CAST: variants seen among roughly 807,000 people sequenced by gnomAD.
CAST encodes calpastatin.
CAST carries 76 observed loss-of-function variants against 119.6 expected under a neutral mutation model. That is an observed-to-expected ratio of 0.64 (90% confidence interval 0.53 to 0.77). The LOEUF is 0.77. Ranked by LOEUF, CAST falls within the 30% of genes least tolerant of loss-of-function variation. The pLI, the probability that CAST is intolerant of heterozygous loss-of-function variation, is 0.00. For synonymous variants in CAST, 319 were observed against 331.6 expected (o/e 0.96, Z 0.41); for missense variants, 953 against 946.5 (o/e 1.01, Z -0.09).
At chr5:96,693,192 C>T (rs1364314241) in intron 2 of CAST, among the ~76,000 whole-genome samples, 2 of 152,202 alleles carry the variant, frequency 1.3e-5, no homozygotes, top group African/African-American at 4.8e-5. Context: ...ACTAAGTAAT[C>T]CAGGCAGCTC....
At chr5:95,968,335 T>C in the CAST span, among the ~76,000 whole-genome samples, 2 of 152,218 alleles carry the variant, frequency 1.3e-5, no homozygotes, top group Non-Finnish European at 2.9e-5. Context: ...GTTAATTCTA[T>C]TTTTATGTGT....
chr5:96,499,029 G>GAAAAAAAAAAAAAAA, the CAST span, among the ~76,000 whole-genome samples: 5 of 109,734 alleles, frequency 4.6e-5, no homozygotes, highest in Non-Finnish European at 5.9e-5. Flanking sequence ...CATTGTGCAG[G>GAAAAAAAAAAAAAAA]AAAAAAAAAA....
intron 1 of CAST, among the ~76,000 whole-genome samples, chr5:96,601,552 T>C (rs1328631828): frequency 6.6e-6 from 1 of 152,204 alleles, no homozygotes; most frequent in Non-Finnish European, 1.5e-5. Context: ...CTAAATTAGA[T>C]TATTAATCCA....
chr5:96,299,957 T>G, the CAST span, among the ~76,000 whole-genome samples: 1 of 152,162 alleles, frequency 6.6e-6, no homozygotes, highest in Non-Finnish European at 1.5e-5. Flanking sequence ...CTTTATCTAG[T>G]TATTTCTTTT....
chr5:96,275,919 C>T, the CAST span, among the ~76,000 whole-genome samples: 1 of 152,172 alleles, frequency 6.6e-6, no homozygotes, highest in Non-Finnish European at 1.5e-5. Flanking sequence ...GAAGAATACC[C>T]GTGTTAAAAG....
the CAST span, among the ~76,000 whole-genome samples, chr5:95,991,886 A>T: frequency 2.0e-5 from 3 of 152,184 alleles, no homozygotes; most frequent in Non-Finnish European, 4.4e-5. Context: ...AAATACTCAA[A>T]TACCTGACTT....
At chr5:96,728,280 A>T (rs891953304) in intron 6 of CAST, 1 of 152,210 alleles carries the variant, frequency 6.6e-6, no homozygotes, top group Non-Finnish European at 1.5e-5. Flanking sequence ...GATTTTGTGG[A>T]AGGCCTCCTG....
At chr5:96,314,057 GAACC>G in the CAST span, among the ~76,000 whole-genome samples, 1 of 152,146 alleles carries the variant, frequency 6.6e-6, no homozygotes, top group African/African-American at 2.4e-5. Context: ...GTATGCATAG[GAACC>G]TGCTTTCTAG....
At chr5:96,482,532 C>A in the CAST span, among the ~76,000 whole-genome samples, 2 of 151,548 alleles carry the variant, frequency 1.3e-5, no homozygotes, top group African/African-American at 4.9e-5. Context: ...ATATAGATAC[C>A]CATGGGAGTC....
At chr5:96,482,028 A>G in the CAST span, among the ~76,000 whole-genome samples, 1 of 152,162 alleles carries the variant, frequency 6.6e-6, no homozygotes, top group African/African-American at 2.4e-5. Flanking sequence ...ATGGTAATGA[A>G]GGAGATTTAT....
the CAST span, among the ~76,000 whole-genome samples, chr5:96,020,399 A>T: frequency 1.3e-5 from 2 of 152,058 alleles, no homozygotes; most frequent in African/African-American, 4.8e-5. Flanking sequence ...GGGGTCCACA[A>T]CCCCCGGGCC....
At chr5:96,268,143 A>C in the CAST span, among the ~76,000 whole-genome samples, 1 of 152,230 alleles carries the variant, frequency 6.6e-6, no homozygotes, top group African/African-American at 2.4e-5. Flanking sequence ...ACCTAGCCAC[A>C]AAGAAAGATA....
At chr5:96,503,979 A>C in the CAST span, among the ~76,000 whole-genome samples, 4 of 151,398 alleles carry the variant, frequency 2.6e-5, no homozygotes, top group Non-Finnish European at 1.5e-5. Flanking sequence ...TTTCCCACAG[A>C]GAGAGAAGTG....
At chr5:96,221,488 A>T in the CAST span, among the ~76,000 whole-genome samples, 1 of 152,146 alleles carries the variant, frequency 6.6e-6, no homozygotes, top group Admixed American at 6.5e-5. Context: ...AAAAGAAATC[A>T]ACAAGGCAAC....
At position 96,557,968 on chromosome 5, in the gene CAST, C is replaced by A. The variant is rs547609388; in HGVS notation, c.60+28088C>A. Among the ~76,000 whole-genome samples the A allele has an allele frequency of 7.4e-4, 112 of 152,280 alleles. 2 individuals carry two copies. In the South Asian group the frequency reaches 0.017, roughly 24 times the overall value. ...ACATAGTTGGAAGTAAAGCACTCCT[C>A]AGCAAATGTAAAAGAACAGAAATTA... On this transcript the variant is annotated intron_variant, in intron 1 of 11. Coordinates refer to the CAST transcript ENST00000505143.
the CAST span, among the ~76,000 whole-genome samples, chr5:96,074,303 C>A: frequency 1.3e-5 from 2 of 152,144 alleles, no homozygotes; most frequent in African/African-American, 2.4e-5. Flanking sequence ...CTCTAACACC[C>A]CCAGTGTGGT....
chr5:96,601,380 C>T (rs73774321), intron 1 of CAST, among the ~76,000 whole-genome samples: 5,156 of 152,290 alleles, frequency 0.034, 285 homozygotes, highest in African/African-American at 0.11. Flanking sequence ...CTAATTTCCG[C>T]AGGATCTGTG....
chr5:96,371,295 A>T, the CAST span, among the ~76,000 whole-genome samples: 2 of 152,348 alleles, frequency 1.3e-5, no homozygotes, highest in South Asian at 2.1e-4. Flanking sequence ...CAGAAAGGTC[A>T]TCATTAACAG....
Position 96,740,747 on chromosome 5 carries a change from AAAGG to A in CAST, c.887_890del (p.Glu296GlyfsTer13), listed in dbSNP as rs777472014. On this transcript the variant is annotated frameshift_variant, in exon 13 of 32. Coordinates refer to ENST00000675179, the MANE Select transcript of CAST (RefSeq NM_001750.7). LOFTEE classifies it high-confidence loss of function. The stretch of plus-strand genomic sequence containing the variant: ...CATCAAATTAATATTTGTTTCAGAA[AAAGG>A]AAGGGATCACAGGGCCTCCTGCAGA... 1.3e-6 allele frequency: 2 copies of A among 1,598,446 alleles called. No individual in the cohort carries two copies. The highest frequency in any genetic ancestry group is 2.2e-5 in the South Asian group (2 of 90,766).
Sources: allele counts gnomAD v4.1 joint callset (sites outside exome capture counted in the v4.1 genomes callset), GRCh38; gene constraint gnomAD v4.1.1; transcripts MANE v1.5; gene names NCBI Gene and HGNC (gene_info 2026-07-23, HGNC 2026-07-21).